PGAP1: variants seen among roughly 807,000 people sequenced by gnomAD.
PGAP1 encodes GPI inositol-deacylase.
A neutral mutation model predicts 127.0 loss-of-function variants in PGAP1; 76 were observed. The observed-to-expected ratio is 0.60, with a 90% CI of 0.50 to 0.72. The LOEUF (loss-of-function observed/expected upper bound fraction) is 0.72, where lower values mean the gene tolerates loss of function less well. Among genes scored for constraint, PGAP1 ranks in the 30% least tolerant of loss-of-function variants. The probability of loss-of-function intolerance (pLI) is 0.00; values close to 1 mark genes in which losing one functional copy is unlikely to be tolerated. For synonymous variants in PGAP1, 362 were observed against 366.5 expected (o/e 0.99, Z 0.14); for missense variants, 982 against 1,071.3 (o/e 0.92, Z 1.16).
chr2:196,885,775 G>C, intron 11 of PGAP1, 59 bp downstream of exon 11: 1 of 1,054,212 alleles, frequency 9.5e-7, no homozygotes, highest in Non-Finnish European at 1.3e-6. Flanking sequence ...TATTCTAAAA[G>C]TGTGGTTTCC....
At chr2:196,854,116 T>A (rs1294332790) in intron 20 of PGAP1, among the ~76,000 whole-genome samples, 1 of 151,940 alleles carries the variant, frequency 6.6e-6, no homozygotes, top group Admixed American at 6.6e-5. Context: ...AGGATAGTCT[T>A]GAATTCCTAG....
intron 4 of PGAP1, among the ~76,000 whole-genome samples, chr2:196,903,353 G>A (rs1308249867): frequency 6.6e-6 from 1 of 151,764 alleles, no homozygotes; most frequent in Non-Finnish European, 1.5e-5. Flanking sequence ...ACGAGGTCAG[G>A]AGTTTGAGAC....
At chr2:196,850,255 C>T (rs1176270012) in intron 20 of PGAP1, among the ~76,000 whole-genome samples, 2 of 152,142 alleles carry the variant, frequency 1.3e-5, no homozygotes, top group Non-Finnish European at 1.5e-5. Context: ...TTCTCTTAAC[C>T]CTGCACATAT....
At chr2:196,883,430 A>G (rs1701794678) in intron 12 of PGAP1, among the ~76,000 whole-genome samples, 1 of 152,200 alleles carries the variant, frequency 6.6e-6, no homozygotes, top group African/African-American at 2.4e-5. Flanking sequence ...CCTGTGACAG[A>G]CTCATATGTT....
At chr2:196,920,719 C>T (rs1310851005) in intron 1 of PGAP1, among the ~76,000 whole-genome samples, 1 of 152,030 alleles carries the variant, frequency 6.6e-6, no homozygotes, top group Non-Finnish European at 1.5e-5. Flanking sequence ...ACCTTATAGC[C>T]ATGTCTTGGT....
At chr2:196,898,743 T>A (rs1702373362) in intron 5 of PGAP1, among the ~76,000 whole-genome samples, 1 of 152,118 alleles carries the variant, frequency 6.6e-6, no homozygotes. Flanking sequence ...CAAAAGACAT[T>A]TTAGTAATTT....
At chr2:196,867,342 G>A (rs540795864) in intron 19 of PGAP1, among the ~76,000 whole-genome samples, 23 of 152,236 alleles carry the variant, frequency 1.5e-4, no homozygotes, top group Admixed American at 3.3e-4. Flanking sequence ...GGATGAAGCT[G>A]GAAATCATCA....
chr2:196,885,907 C>T (rs759349049), intron 10 of PGAP1, 27 bp from the exon 11 acceptor site: 12 of 1,351,644 alleles, frequency 8.9e-6, no homozygotes, highest in Non-Finnish European at 1.2e-5. Context: ...CAAAACAAAA[C>T]ACACTAAGTA....
At position 196,885,846 on chromosome 2, in the gene PGAP1, C is replaced by T. The variant is rs1387854231; in HGVS notation, c.1208G>A (p.Ser403Asn). Residue 403 changes from serine (S) to asparagine (N), a missense_variant, in exon 11 of 27, where the codon AGC becomes AAC. Transcript: ENST00000354764. ...TNSWIFACIN[S>N]TSMCLQGVDL... The stretch of plus-strand genomic sequence containing the variant: ...TCAAAAGACTTACCACATAGAAGTG[C>T]TGTTTATGCAAGCAAAAATCCAACT... 8 of 1,419,408 alleles carry T rather than the reference C, an allele frequency of 5.6e-6. No individual in the cohort carries two copies. The highest frequency in any genetic ancestry group is 2.7e-5 in the Admixed American group (1 of 36,980). 87.9% of individuals were successfully genotyped at this position (1,419,408 alleles called of 1,614,324 possible). A position where few individuals can be genotyped will look rare whatever the true frequency, so the allele number is the denominator to read the frequency against.
intron 1 of PGAP1, among the ~76,000 whole-genome samples, chr2:196,924,060 A>C (rs545655635): frequency 6.6e-6 from 1 of 152,372 alleles, no homozygotes; most frequent in South Asian, 2.1e-4. Flanking sequence ...TGAATAAGTG[A>C]ATCTGGGAAA....
intron 18 of PGAP1, among the ~76,000 whole-genome samples, chr2:196,871,646 G>A (rs1701414777): frequency 6.6e-6 from 1 of 152,096 alleles, no homozygotes; most frequent in Non-Finnish European, 1.5e-5. Flanking sequence ...TAAATTCCAT[G>A]AAATCTAAAT....
intron 12 of PGAP1, among the ~76,000 whole-genome samples, chr2:196,882,610 C>G (rs1333229837): frequency 1.3e-5 from 2 of 151,890 alleles, no homozygotes; most frequent in African/African-American, 4.8e-5. Flanking sequence ...CTTTTTTTGG[C>G]AATATTGGAT....
chr2:196,856,890 CTTTG>C (rs1013622180), intron 20 of PGAP1, among the ~76,000 whole-genome samples: 1 of 152,120 alleles, frequency 6.6e-6, no homozygotes, highest in African/African-American at 2.4e-5. Flanking sequence ...CCTTTTTAAA[CTTTG>C]TTTTTCTTTG....
intron 19 of PGAP1, among the ~76,000 whole-genome samples, chr2:196,866,049 A>ATT (rs1420508189): frequency 2.0e-5 from 3 of 152,344 alleles, no homozygotes; most frequent in Middle Eastern, 3.4e-3. Context: ...CATACTGCCC[A>ATT]GAGTAATTTA....
intron 20 of PGAP1, among the ~76,000 whole-genome samples, chr2:196,856,154 C>T (rs951623861): frequency 3.2e-4 from 49 of 152,198 alleles, no homozygotes; most frequent in Admixed American, 2.9e-3. Context: ...GCTGGGATTA[C>T]AGGCATACAA....
rs1182317773 is a variant in PGAP1 at position 196,921,739 on chromosome 2, A to C, written c.148-1589T>G. Among the ~76,000 whole-genome samples the C allele has an allele frequency of 2.0e-5, 3 of 152,278 alleles. No individual in the cohort carries two copies. The East Asian group carries it at 5.8e-4, about 29-fold the overall frequency. ...CTATTATGAAAGCAATTTTATAGTG[A>C]GAAAGAATATTTTTTAAAATATGAA... On this transcript the variant is annotated intron_variant, in intron 1 of 26. Transcript: ENST00000354764.
chr2:196,876,534 C>CT (rs1414212925), intron 13 of PGAP1, among the ~76,000 whole-genome samples: 2 of 152,112 alleles, frequency 1.3e-5, no homozygotes, highest in African/African-American at 4.8e-5. Flanking sequence ...TCTGCTCTCA[C>CT]TTATCTGCAA....
chr2:196,922,639 C>T (rs1703239689), intron 1 of PGAP1: 1 of 582,476 alleles, frequency 1.7e-6, no homozygotes, highest in Non-Finnish European at 2.2e-6. Flanking sequence ...AGAGAGACAT[C>T]CTTTAAAATC....
At chr2:196,848,576 G>A (rs919274095) in intron 20 of PGAP1, among the ~76,000 whole-genome samples, 9 of 152,002 alleles carry the variant, frequency 5.9e-5, no homozygotes, top group African/African-American at 2.2e-4. Context: ...TTTTGTGATG[G>A]TCTCCTTCCA....
Sources: gnomAD v4.1 joint callset for allele counts (sites outside exome capture counted in the v4.1 genomes callset) on GRCh38, gnomAD v4.1.1 for gene constraint, MANE v1.5 for transcripts, NCBI Gene and HGNC (gene_info 2026-07-23, HGNC 2026-07-21) for gene names.